Variants in ZNF184 observed in about 807,000 individuals in gnomAD.
ZNF184 encodes zinc finger protein 184.
A neutral mutation model predicts 54.4 loss-of-function variants in ZNF184; 16 were observed. The ratio of observed to expected loss-of-function variants is 0.29; its 90% confidence interval spans 0.20 to 0.45. The LOEUF (loss-of-function observed/expected upper bound fraction) is 0.45. Among genes scored for constraint, ZNF184 ranks in the 20% least tolerant of loss-of-function variants. The probability of loss-of-function intolerance (pLI) is 1.00; values close to 1 mark genes in which losing one functional copy is unlikely to be tolerated. For missense variants in ZNF184, 681 were observed against 888.2 expected (o/e 0.77, Z 2.97); for synonymous variants, 254 against 295.3 (o/e 0.86, Z 1.43).
At chr6:27,425,502 G>A in the ZNF184 span, among the ~76,000 whole-genome samples, 1 of 152,274 alleles carries the variant, frequency 6.6e-6, no homozygotes, top group Non-Finnish European at 1.5e-5. Flanking sequence ...ATAAATGAAA[G>A]TGGGAAGTAG....
At chr6:27,437,627 A>G in the ZNF184 span, among the ~76,000 whole-genome samples, 1 of 152,254 alleles carries the variant, frequency 6.6e-6, no homozygotes, top group African/African-American at 2.4e-5. Flanking sequence ...GTTTTAAGCC[A>G]CAAAGTTTGT....
chr6:27,454,385 C>T (rs771037704), intron 5 of ZNF184, among the ~76,000 whole-genome samples: 1 of 152,282 alleles, frequency 6.6e-6, no homozygotes, highest in South Asian at 2.1e-4. Flanking sequence ...TGTAGGCAGC[C>T]TCACAGCAGT....
the ZNF184 span, among the ~76,000 whole-genome samples, chr6:27,445,721 C>CAAAAA: frequency 1.0e-4 from 13 of 129,216 alleles, no homozygotes; most frequent in Non-Finnish European, 1.3e-4. Context: ...TCTGTTATAG[C>CAAAAA]AAAAAAAAAA....
chr6:27,423,905 T>C, the ZNF184 span, among the ~76,000 whole-genome samples: 1 of 152,256 alleles, frequency 6.6e-6, no homozygotes, highest in Non-Finnish European at 1.5e-5. Context: ...TTTCTGTTTA[T>C]TTGGAATCTC....
the ZNF184 span, among the ~76,000 whole-genome samples, chr6:27,430,972 T>G: frequency 2.0e-5 from 3 of 151,980 alleles, no homozygotes; most frequent in Admixed American, 1.3e-4. Context: ...TCCCTGAAAA[T>G]ACCTTATTTC....
At chr6:27,462,941 C>T (rs190888545) in intron 3 of ZNF184, among the ~76,000 whole-genome samples, 1 of 150,422 alleles carries the variant, frequency 6.6e-6, no homozygotes, top group East Asian at 2.0e-4. Context: ...AGTCAATCAA[C>T]TGAAACCAAC....
the ZNF184 span, among the ~76,000 whole-genome samples, chr6:27,425,702 T>A: frequency 1.3e-5 from 2 of 152,366 alleles, no homozygotes; most frequent in South Asian, 4.1e-4. Flanking sequence ...TGCCTCACGT[T>A]CAGGTCGTTC....
the ZNF184 span, among the ~76,000 whole-genome samples, chr6:27,410,743 G>A: frequency 5.3e-5 from 8 of 152,116 alleles, no homozygotes; most frequent in African/African-American, 1.9e-4. Flanking sequence ...TGTTGCCCAG[G>A]CTGGTCTCAA....
chr6:27,423,762 T>C, the ZNF184 span, among the ~76,000 whole-genome samples: 2 of 152,248 alleles, frequency 1.3e-5, no homozygotes, highest in Non-Finnish European at 2.9e-5. Flanking sequence ...ATTAGGTTTA[T>C]GCTTAACAAA....
rs1762868491 is a variant in ZNF184, at chr6:27,456,863, C to A, written c.261G>T (p.Trp87Cys). ...CTACTGGAATGCTTGGCTCCATGATCCATGGCTCTGTCCCTTGCTCTAACT... is the reference window on the plus strand; with the variant it reads ...CTACTGGAATGCTTGGCTCCATGATACATGGCTCTGTCCCTTGCTCTAACT... ...ISQLEQGTEP[W>C]IMEPSIPVGT... Residue 87 changes from tryptophan to cysteine, a missense_variant, in exon 5 of 6, where the codon TGG becomes TGT. Physicochemically the swap from Trp to Cys is radical, Grantham distance 215. Coordinates refer to ENST00000683788, the MANE Select transcript of ZNF184 (RefSeq NM_001318891.2). 10 of 1,614,148 alleles carry A rather than the reference C, an allele frequency of 6.2e-6. No homozygotes were observed. Among genetic ancestry groups the A allele is most frequent in the Non-Finnish European group, 8.5e-6 (10 of 1,180,022 alleles).
the ZNF184 span, among the ~76,000 whole-genome samples, chr6:27,417,123 GAA>G: frequency 1.3e-5 from 2 of 152,112 alleles, no homozygotes; most frequent in African/African-American, 2.4e-5. Flanking sequence ...TGGGGGTCAT[GAA>G]AGAGTTAAGG....
chr6:27,449,787 C>T (rs1037937014), downstream of ZNF184, among the ~76,000 whole-genome samples: 1 of 151,972 alleles, frequency 6.6e-6, no homozygotes, highest in African/African-American at 2.4e-5. Flanking sequence ...TAACTTTGCT[C>T]TACTCTCTCA....
chr6:27,466,723 T>C (rs1197284202), intron 3 of ZNF184, among the ~76,000 whole-genome samples: 1 of 151,932 alleles, frequency 6.6e-6, no homozygotes, highest in Non-Finnish European at 1.5e-5. Context: ...TGGGAAGAAC[T>C]GGTACCATTT....
At chr6:27,445,733 G>A in the ZNF184 span, among the ~76,000 whole-genome samples, 2,693 of 56,006 alleles carry the variant, frequency 0.048, 51 homozygotes, top group South Asian at 0.11. Flanking sequence ...AAAAAAAAAA[G>A]ACTAAAACAG....
chr6:27,404,559 C>G, the ZNF184 span: 4 of 152,284 alleles, frequency 2.6e-5, no homozygotes, highest in South Asian at 6.2e-4. Flanking sequence ...TTATGAACCA[C>G]ACAAGGACAT....
the ZNF184 span, among the ~76,000 whole-genome samples, chr6:27,429,382 C>T: frequency 2.0e-5 from 3 of 152,226 alleles, no homozygotes; most frequent in African/African-American, 7.2e-5. Context: ...TTCTCAGCTT[C>T]ACTGCAAGTT....
chr6:27,447,072 C>CA (rs1321698681), downstream of ZNF184, among the ~76,000 whole-genome samples: 4,322 of 31,900 alleles, frequency 0.14, 180 homozygotes, highest in African/African-American at 0.2. Flanking sequence ...CCACTGCAAT[C>CA]AAAAAAAAAA....
the ZNF184 span, among the ~76,000 whole-genome samples, chr6:27,410,367 G>C: frequency 6.6e-6 from 1 of 152,226 alleles, no homozygotes; most frequent in Non-Finnish European, 1.5e-5. Flanking sequence ...TGTAAGGAAA[G>C]TCAGAGAGGT....
At chr6:27,468,135 C>T (rs1195280843) in intron 2 of ZNF184, among the ~76,000 whole-genome samples, 9 of 152,114 alleles carry the variant, frequency 5.9e-5, no homozygotes, top group Admixed American at 5.2e-4. Flanking sequence ...CAGTTTTGTA[C>T]CTAGACACTT....
Sources: allele counts gnomAD v4.1 joint callset (sites outside exome capture counted in the v4.1 genomes callset), GRCh38; gene constraint gnomAD v4.1.1; transcripts MANE v1.5; gene names NCBI Gene and HGNC (gene_info 2026-07-23, HGNC 2026-07-21).